The following DDX42 variants were observed in gnomAD, a reference collection of about 807,000 sequenced individuals.
DDX42 encodes DEAD-box helicase 42, also known as ATP-dependent RNA helicase DDX42.
Under a neutral mutation model 101.5 loss-of-function variants are expected in DDX42, and 22 were observed. The ratio of observed to expected loss-of-function variants is 0.22; its 90% CI spans 0.15 to 0.31. The LOEUF (loss-of-function observed/expected upper bound fraction) is 0.31, where lower values mean the gene tolerates loss of function less well. Among genes scored for constraint, DDX42 ranks in the 10% least tolerant of loss-of-function variants. DDX42 has a pLI of 1.00. For missense variants in DDX42, 849 were observed against 1,199.9 expected (o/e 0.71, Z 4.32); for synonymous variants, 402 against 401.2 (o/e 1.00, Z -0.02).
At chr17:63,779,449 A>T (rs2039459909) in intron 1 of DDX42, among the ~76,000 whole-genome samples, 1 of 152,064 alleles carries the variant, frequency 6.6e-6, no homozygotes. Flanking sequence ...TTTTTTGTAG[A>T]AATCAGGTCT....
chr17:63,808,724 T>C, intron 9 of DDX42, 96 bp from the exon 10 acceptor site: 1 of 1,505,540 alleles, frequency 6.6e-7, no homozygotes, highest in Non-Finnish European at 9.0e-7. Flanking sequence ...TTCGATTTTT[T>C]ATGACATCAC....
chr17:63,808,333 C>G (rs1161704121), intron 9 of DDX42, among the ~76,000 whole-genome samples: 2 of 152,168 alleles, frequency 1.3e-5, no homozygotes, highest in Non-Finnish European at 2.9e-5. Context: ...GCCACCACAC[C>G]TGGCTAATTT....
intron 1 of DDX42, among the ~76,000 whole-genome samples, chr17:63,782,649 A>C (rs571756201): frequency 4.6e-5 from 7 of 152,254 alleles, no homozygotes; most frequent in African/African-American, 1.7e-4. Flanking sequence ...CTAAATAAAT[A>C]ACTCAGATCC....
chr17:63,793,865 T>C (rs2039658783), intron 3 of DDX42, among the ~76,000 whole-genome samples: 1 of 148,150 alleles, frequency 6.7e-6, no homozygotes, highest in Non-Finnish European at 1.5e-5. Context: ...TTTATATATA[T>C]ATATATATAT....
At chr17:63,817,103 G>C (rs1246267939) in intron 17 of DDX42, 137 bp downstream of exon 17, 3 of 656,436 alleles carry the variant, frequency 4.6e-6, no homozygotes, top group Non-Finnish European at 7.8e-6. Flanking sequence ...CTTGGATTTT[G>C]AATATAAACC....
intron 2 of DDX42, among the ~76,000 whole-genome samples, 189 bp from the exon 3 acceptor site, chr17:63,792,223 A>G (rs1598328970): frequency 6.6e-6 from 1 of 152,126 alleles, no homozygotes. Context: ...TTTTTGTAAT[A>G]TTGAAATTTT....
At chr17:63,785,714 C>CAGGCT (rs1319028345) in intron 1 of DDX42, among the ~76,000 whole-genome samples, 1 of 152,132 alleles carries the variant, frequency 6.6e-6, no homozygotes, top group African/African-American at 2.4e-5. Context: ...CTCTTAACCA[C>CAGGCT]AGGCTAACTG....
At chr17:63,786,337 C>G in intron 1 of DDX42, among the ~76,000 whole-genome samples, 1 of 151,142 alleles carries the variant, frequency 6.6e-6, no homozygotes, top group South Asian at 2.1e-4. Flanking sequence ...TAACCTTGAA[C>G]TCCTGGGCTC....
intron 2 of DDX42, among the ~76,000 whole-genome samples, chr17:63,792,100 A>G (rs1349743031): frequency 1.3e-5 from 2 of 151,648 alleles, no homozygotes; most frequent in Non-Finnish European, 2.9e-5. Flanking sequence ...AATATTTGTC[A>G]TATTTATCTA....
chr17:63,781,608 CTTCTTTCCCCCTCTTCT>C (rs1012077182), intron 1 of DDX42, among the ~76,000 whole-genome samples: 1 of 152,166 alleles, frequency 6.6e-6, no homozygotes, highest in African/African-American at 2.4e-5. Context: ...TCTCCCCTTC[CTTCTTTCCCCCTCTTCT>C]TTCTTTCCCT....
intron 14 of DDX42, 82 bp downstream of exon 14, chr17:63,812,290 G>A: frequency 6.7e-7 from 1 of 1,498,308 alleles, no homozygotes; most frequent in Non-Finnish European, 8.9e-7. Flanking sequence ...TATAATATCT[G>A]AGCAGGCTGA....
At chr17:63,783,559 C>G (rs1490579731) in intron 1 of DDX42, among the ~76,000 whole-genome samples, 1 of 152,150 alleles carries the variant, frequency 6.6e-6, no homozygotes, top group Non-Finnish European at 1.5e-5. Context: ...TAAATTTCAT[C>G]ACACTGGAAT....
Position 63,815,692 on chromosome 17 carries a change from A to G in DDX42, c.2013+19A>G, listed in dbSNP as rs1392842879. On this transcript the variant is annotated intron_variant, in intron 16 of 17. Transcript: ENST00000389924. ...GAACATGGTGAGTCTAGACTACTAC[A>G]GTAGTGCCTTTATAGTTGGTCTCAT... is the stretch of plus-strand genomic sequence containing the variant. The G allele has an allele frequency of 6.5e-7, 1 of 1,538,880 alleles. No individual in the cohort carries two copies. Among genetic ancestry groups the G allele is most frequent in the Non-Finnish European group, 8.9e-7 (1 of 1,118,866 alleles).
At chr17:63,800,813 T>C (rs1020766184) in intron 6 of DDX42, among the ~76,000 whole-genome samples, 196 bp downstream of exon 6, 4 of 152,270 alleles carry the variant, frequency 2.6e-5, no homozygotes, top group African/African-American at 9.6e-5. Context: ...CCAAATCACT[T>C]ACATTTGACT....
chr17:63,804,105 AT>A lies in DDX42; in HGVS notation c.622-955del, dbSNP rs577401633. Among the ~76,000 whole-genome samples, 1,362 of 148,290 alleles carry A rather than the reference AT, an allele frequency of 9.2e-3. 20 individuals carry two copies. Among genetic ancestry groups the A allele is most frequent in the African/African-American group, 0.028 (1,144 of 40,666 alleles). Reference sequence around the variant, plus strand: ...TTTTTTTTATGTATCCAGAACTATGATTTTTTTTTTTAACTACCTATAGAAT... The same window carrying A: ...TTTTTTTTATGTATCCAGAACTATGATTTTTTTTTTAACTACCTATAGAAT... On this transcript the variant is annotated intron_variant, in intron 6 of 17. Transcript: ENST00000389924.
At chr17:63,800,258 A>G in intron 5 of DDX42, 1 of 492,220 alleles carries the variant, frequency 2.0e-6, no homozygotes, top group Non-Finnish European at 3.5e-6. Context: ...AAGTTGCAAC[A>G]TTTAATAGTA....
chr17:63,792,365 A>G, intron 2 of DDX42, 47 bp from the exon 3 acceptor site: 1 of 1,576,914 alleles, frequency 6.3e-7, no homozygotes, highest in South Asian at 1.2e-5. Flanking sequence ...AGATTTACTG[A>G]CCCCAAAGTA....
Position 63,816,903 on chromosome 17 carries a change from G to C in DDX42, c.2049G>C (p.Glu683Asp). ...RGNNNVMSNYEAYKPSTGAMG... is the reference protein window; with the variant it reads ...RGNNNVMSNYDAYKPSTGAMG... ...ATAACAATGTAATGAGCAATTATGA[G>C]GCCTACAAGCCTTCCACAGGAGCTA... The change falls in exon 17 of 18, where the codon GAG becomes GAC. Residue 683 changes from glutamate (E) to aspartate (D), a missense_variant. Transcript: ENST00000389924. The C allele has an allele frequency of 6.2e-7, 1 of 1,613,668 alleles. No individual in the cohort carries two copies. Among genetic ancestry groups the C allele is most frequent in the Non-Finnish European group, 8.5e-7 (1 of 1,179,856 alleles).
chr17:63,799,566 T>A, intron 4 of DDX42, 23 bp from the exon 5 acceptor site: 1 of 1,613,126 alleles, frequency 6.2e-7, no homozygotes, highest in Non-Finnish European at 8.5e-7. Context: ...CAGGGAAGTT[T>A]GTTTCTCCGC....
Sources: allele counts gnomAD v4.1 joint callset (sites outside exome capture counted in the v4.1 genomes callset), GRCh38; gene constraint gnomAD v4.1.1; transcripts MANE v1.5; gene names NCBI Gene and HGNC (gene_info 2026-07-23, HGNC 2026-07-21).